FHIT: variants seen among roughly 807,000 people sequenced by gnomAD.
FHIT encodes the protein fragile histidine triad diadenosine triphosphatase, also known as bis(5'-adenosyl)-triphosphatase.
Under a neutral mutation model 17.9 loss-of-function variants are expected in FHIT, and 19 were observed. That is an observed-to-expected ratio of 1.06 (90% CI 0.74 to 1.56). FHIT has a LOEUF of 1.56. Ranked by LOEUF, FHIT falls within the 40% of genes most tolerant of loss-of-function variation. The probability of loss-of-function intolerance (pLI) is 0.00; values close to 1 mark genes in which losing one functional copy is unlikely to be tolerated. For missense variants in FHIT, 248 were observed against 189.2 expected (o/e 1.31, Z -1.82); for synonymous variants, 81 against 69.7 (o/e 1.16, Z -0.81).
At chr3:59,771,177 G>A (rs565651734) in intron 8 of FHIT, among the ~76,000 whole-genome samples, 1 of 152,040 alleles carries the variant, frequency 6.6e-6, no homozygotes, top group South Asian at 2.1e-4. Context: ...AATTACAAAA[G>A]ACAACAAATA....
At chr3:60,369,742 A>G (rs759180828) in intron 5 of FHIT, among the ~76,000 whole-genome samples, 15 of 152,124 alleles carry the variant, frequency 9.9e-5, no homozygotes, top group East Asian at 1.9e-4. Flanking sequence ...CAGGACTCCA[A>G]TATCTCTCAG....
intron 5 of FHIT, among the ~76,000 whole-genome samples, chr3:60,134,710 C>T (rs9876439): frequency 0.056 from 8,537 of 152,264 alleles, 302 homozygotes; most frequent in Non-Finnish European, 0.076. Flanking sequence ...AATGTAGACA[C>T]GTAAACATGC....
chr3:60,928,730 T>C (rs1553770761), intron 3 of FHIT, among the ~76,000 whole-genome samples: 2 of 152,004 alleles, frequency 1.3e-5, no homozygotes, highest in African/African-American at 4.8e-5. Flanking sequence ...ATTAATAGCT[T>C]ACCAACCAAA....
At chr3:60,602,852 C>A (rs1175849746) in intron 4 of FHIT, among the ~76,000 whole-genome samples, 1 of 152,064 alleles carries the variant, frequency 6.6e-6, no homozygotes, top group African/African-American at 2.4e-5. Flanking sequence ...GCTAATAGCC[C>A]CTTGCACTAG....
Position 59,904,757 on chromosome 3 carries a change from T to A in FHIT, c.348+17589A>T, listed in dbSNP as rs774125616. Among the ~76,000 whole-genome samples the A allele has an allele frequency of 3.7e-4, 56 of 152,282 alleles. 1 individual carries two copies. Among genetic ancestry groups the A allele is most frequent in the Admixed American group, 1.6e-3 (24 of 15,290 alleles). ...ATTTTACTGAGTGACGAAAACAGTT[T>A]TTAGCGAAGAGGGGATATGGATTTG... On this transcript the variant is annotated intron_variant, in intron 8 of 9. Transcript: ENST00000492590.
intron 3 of FHIT, among the ~76,000 whole-genome samples, chr3:60,962,497 C>G (rs1222036502): frequency 6.6e-6 from 1 of 152,194 alleles, no homozygotes; most frequent in Non-Finnish European, 1.5e-5. Flanking sequence ...GAGGGCATCT[C>G]TGTCTTGTGC....
At chr3:60,647,494 C>A (rs1177524090) in intron 4 of FHIT, among the ~76,000 whole-genome samples, 4 of 152,164 alleles carry the variant, frequency 2.6e-5, no homozygotes, top group Non-Finnish European at 5.9e-5. Flanking sequence ...GTACTCGAGG[C>A]CCTCAAGTCC....
At chr3:60,584,616 G>T (rs930753018) in intron 4 of FHIT, among the ~76,000 whole-genome samples, 1 of 151,962 alleles carries the variant, frequency 6.6e-6, no homozygotes, top group Non-Finnish European at 1.5e-5. Flanking sequence ...CATAGGATCA[G>T]AAATTTATCA....
chr3:60,854,429 A>C (rs938502366), intron 3 of FHIT, among the ~76,000 whole-genome samples: 1 of 152,086 alleles, frequency 6.6e-6, no homozygotes, highest in Non-Finnish European at 1.5e-5. Context: ...AAACACAGAA[A>C]GCTTTCTTTT....
chr3:60,033,135 T>G (rs575320088), intron 5 of FHIT, among the ~76,000 whole-genome samples: 1 of 152,282 alleles, frequency 6.6e-6, no homozygotes, highest in Non-Finnish European at 1.5e-5. Flanking sequence ...CAAGCAATGA[T>G]AAAAAGACAT....
rs145634079 is a variant in FHIT at position 60,949,039 on chromosome 3, C to T, written c.-111+93008G>A. ...AACTTATAGTTGTATATAGTTGAAG[C>T]GTAGGGGCCAGCTTCTCAATTAGTA... On this transcript the variant is annotated intron_variant, in intron 3 of 9. Coordinates refer to ENST00000492590, the MANE Select transcript of FHIT (RefSeq NM_002012.4). Among the ~76,000 whole-genome samples the T allele has an allele frequency of 1.3e-3, 198 of 152,164 alleles. 2 individuals are homozygous for T. The highest frequency in any genetic ancestry group is 2.5e-3 in the Non-Finnish European group (167 of 68,012).
At chr3:60,984,418 CA>C (rs1205294639) in intron 3 of FHIT, among the ~76,000 whole-genome samples, 1 of 152,188 alleles carries the variant, frequency 6.6e-6, no homozygotes, top group Non-Finnish European at 1.5e-5. Flanking sequence ...TACACCCACC[CA>C]AATGTTCAGA....
chr3:60,431,603 G>C (rs545585704), intron 5 of FHIT, among the ~76,000 whole-genome samples: 1 of 152,076 alleles, frequency 6.6e-6, no homozygotes, highest in African/African-American at 2.4e-5. Flanking sequence ...TACTGGTGAA[G>C]GACGAAGGCT....
chr3:61,183,743 A>C (rs1400101137), intron 2 of FHIT, among the ~76,000 whole-genome samples: 35 of 152,206 alleles, frequency 2.3e-4, no homozygotes, highest in Admixed American at 2.3e-3. Flanking sequence ...TCAATGGAAT[A>C]ATGGTCCACA....
intron 5 of FHIT, among the ~76,000 whole-genome samples, chr3:60,050,922 G>A (rs996140840): frequency 2.0e-5 from 3 of 152,174 alleles, no homozygotes; most frequent in Admixed American, 1.3e-4. Flanking sequence ...ATTAATTCAT[G>A]CATTCAATCA....
At chr3:60,072,159 C>T (rs1702802928) in intron 5 of FHIT, among the ~76,000 whole-genome samples, 1 of 152,168 alleles carries the variant, frequency 6.6e-6, no homozygotes, top group Non-Finnish European at 1.5e-5. Flanking sequence ...AAGCCTTAGC[C>T]TGATGACAAC....
intron 3 of FHIT, among the ~76,000 whole-genome samples, chr3:61,039,265 C>T (rs183192374): frequency 3.3e-5 from 5 of 152,180 alleles, no homozygotes; most frequent in East Asian, 3.9e-4. Context: ...AAAGACTACC[C>T]TTGTATCTAG....
In FHIT at chr3:60,194,033, G is replaced by C. The variant is rs112339661; in HGVS notation, c.104-179881C>G. Among the ~76,000 whole-genome samples the C allele has an allele frequency of 4.4e-3, 665 of 152,282 alleles. 6 individuals are homozygous for C. Among genetic ancestry groups the C allele is most frequent in the African/African-American group, 0.014 (592 of 41,558 alleles). ...ATCTGATTATCCAAAGCAATCTACA[G>C]AGTCAATGCAATTCCTATCAAAAAA... On this transcript the variant is annotated intron_variant, in intron 5 of 9. Transcript: ENST00000492590.
intron 5 of FHIT, among the ~76,000 whole-genome samples, chr3:60,456,892 C>T (rs1052952160): frequency 1.3e-5 from 2 of 152,078 alleles, no homozygotes; most frequent in Admixed American, 6.6e-5. Context: ...AGGACCTCTT[C>T]AAGGAGAACT....
Sources: gnomAD v4.1 joint callset for allele counts (sites outside exome capture counted in the v4.1 genomes callset) on GRCh38, gnomAD v4.1.1 for gene constraint, MANE v1.5 for transcripts, NCBI Gene and HGNC (gene_info 2026-07-23, HGNC 2026-07-21) for gene names.